The following EML1 variants were observed in gnomAD, a reference collection of about 807,000 sequenced individuals.
EML1 encodes the protein echinoderm microtubule-associated protein-like 1.
Under a neutral mutation model 110.4 loss-of-function variants are expected in EML1, and 27 were observed. The ratio of observed to expected loss-of-function variants is 0.24; its 90% CI spans 0.18 to 0.34. The LOEUF is 0.34. Among genes scored for constraint, EML1 ranks in the 10% least tolerant of loss-of-function variants. EML1 has a pLI of 1.00. For missense variants in EML1, 741 were observed against 1,030.9 expected, an observed-to-expected ratio of 0.72 and a Z score of 3.85; for synonymous variants, 344 against 385.8, an observed-to-expected ratio of 0.89 and a Z score of 1.27.
chr14:99,780,228 A>T (rs1270902776), intron 1 of EML1, among the ~76,000 whole-genome samples: 1 of 152,042 alleles, frequency 6.6e-6, no homozygotes, highest in Non-Finnish European at 1.5e-5. Context: ...ATACAGTCAC[A>T]TTGGGGGTTG....
rs183598753 is a variant in EML1, at chr14:99,886,690, C to T, written c.519-4509C>T. 2.3e-3 allele frequency among the ~76,000 whole-genome samples: 344 copies of T among 152,308 alleles called. 1 individual carries two copies. Among genetic ancestry groups the T allele is most frequent in the Non-Finnish European group, 3.8e-3 (256 of 68,034 alleles). On this transcript the variant is annotated intron_variant, in intron 4 of 21. Coordinates refer to ENST00000262233, the MANE Select transcript of EML1 (RefSeq NM_004434.3). The stretch of plus-strand genomic sequence containing the variant: ...GCCCAGGACTTCTTACACATGTCAC[C>T]ACGTGTCGAAGACCTGCAAGATCTG...
At chr14:99,801,381 C>T (rs776373620) in intron 1 of EML1, among the ~76,000 whole-genome samples, 2 of 152,146 alleles carry the variant, frequency 1.3e-5, no homozygotes, top group Middle Eastern at 3.4e-3. Context: ...TTTGGGAGGC[C>T]GAGGTGGGCG....
chr14:99,902,417 A>C (rs759468211), intron 9 of EML1, among the ~76,000 whole-genome samples: 7 of 151,638 alleles, frequency 4.6e-5, no homozygotes, highest in Non-Finnish European at 8.8e-5. Context: ...AGGAATAAGC[A>C]GGGTTAGTTT....
At position 99,865,542 on chromosome 14, in the gene EML1, A is replaced by T; in HGVS notation, c.279A>T (p.Leu93Phe). The T allele has an allele frequency of 6.2e-7, 1 of 1,614,214 alleles. No individual in the cohort carries two copies. The highest frequency in any genetic ancestry group is 8.5e-7 in the Non-Finnish European group (1 of 1,180,020). The change falls in exon 3 of 22, where the codon TTA becomes TTT. Residue 93 changes from leucine to phenylalanine, a missense_variant. Coordinates refer to ENST00000262233, the MANE Select transcript of EML1 (RefSeq NM_004434.3). ...GACCACTGATGCAGACCCTGCCTTT[A>T]AGAACCACGGTCAACAATGGCACTG... ...KARPLMQTLP[L>F]RTTVNNGTVL...
At chr14:99,932,734 T>C (rs1595503963) in intron 17 of EML1, among the ~76,000 whole-genome samples, 3 of 152,092 alleles carry the variant, frequency 2.0e-5, no homozygotes, top group Non-Finnish European at 4.4e-5. Context: ...AATGTGTGCA[T>C]TTTACTGCCC....
chr14:99,767,616 A>G (rs1270284475), intron 1 of EML1, among the ~76,000 whole-genome samples: 1 of 152,158 alleles, frequency 6.6e-6, no homozygotes, highest in East Asian at 1.9e-4. Context: ...CTCAAGAAAA[A>G]AAAGAGGGGG....
At position 99,850,218 on chromosome 14, in the gene EML1, C is replaced by T. The variant is rs7161687; in HGVS notation, c.68-635C>T. 12,610 of 1,164,216 alleles carry T rather than the reference C, an allele frequency of 0.011. 1,008 individuals are homozygous for T. In the African/African-American group the frequency reaches 0.18, roughly 16 times the overall value. The allele number at this position is 1,164,216 out of a possible 1,614,324, so 72.1% of individuals were successfully genotyped here. ...CCTCCCAAAGTGTTCTCTGTGTTCTCTGGTTGGAGCACAGTAAGTGAAGGG... is the reference window on the plus strand; with the variant it reads ...CCTCCCAAAGTGTTCTCTGTGTTCTTTGGTTGGAGCACAGTAAGTGAAGGG... On this transcript the variant is annotated intron_variant, in intron 1 of 21. Coordinates refer to ENST00000262233, the MANE Select transcript of EML1 (RefSeq NM_004434.3).
intron 2 of EML1, among the ~76,000 whole-genome samples, chr14:99,859,002 A>T (rs2058954275): frequency 6.6e-6 from 1 of 152,218 alleles, no homozygotes; most frequent in South Asian, 2.1e-4. Flanking sequence ...TGATCATTAG[A>T]TTATAACTTA....
intron 4 of EML1, among the ~76,000 whole-genome samples, chr14:99,882,668 A>G (rs1391006972): frequency 1.1e-4 from 15 of 137,416 alleles, no homozygotes; most frequent in African/African-American, 1.5e-4. Flanking sequence ...AAAAAAAAAA[A>G]AAAAAAAGAA....
Position 99,781,128 on chromosome 14 carries a change from CCT to C in EML1, c.-27+7116_-27+7117del, listed in dbSNP as rs1184761741. ...TGGGTCCAGCTCAGTCCTCTGGACC[CCT>C]GTTCCACTGGCCGCCTCCCTTCTCC... On this transcript the variant is annotated intron_variant, in intron 1 of 22. Coordinates refer to the EML1 transcript ENST00000327921. This position sits in a 1 kb window ranked among gnomAD's most constrained non-coding sequence, Gnocchi z 4.2. Among the ~76,000 whole-genome samples the C allele has an allele frequency of 6.6e-6, 1 of 152,058 alleles. No homozygotes were observed. The highest frequency in any genetic ancestry group is 1.5e-5 in the Non-Finnish European group (1 of 68,012).
At chr14:99,901,721 T>C (rs1343675205) in intron 9 of EML1, among the ~76,000 whole-genome samples, 1 of 152,210 alleles carries the variant, frequency 6.6e-6, no homozygotes, top group East Asian at 1.9e-4. Context: ...GTCACTCTTG[T>C]CGCCATCTTG....
chr14:99,768,717 CT>C (rs546941574), upstream of EML1, among the ~76,000 whole-genome samples: 6,221 of 135,648 alleles, frequency 0.046, 161 homozygotes, highest in African/African-American at 0.074. Flanking sequence ...CTTCTGTGGT[CT>C]TTTTTTTTTT....
intron 14 of EML1, 108 bp downstream of exon 14, chr14:99,914,412 C>T: frequency 6.5e-7 from 1 of 1,540,654 alleles, no homozygotes; most frequent in East Asian, 2.3e-5. Flanking sequence ...CTTCCTCCAC[C>T]CCAGAGTGTC....
chr14:99,828,348 T>C (rs1414024443), intron 1 of EML1, among the ~76,000 whole-genome samples: 2 of 152,172 alleles, frequency 1.3e-5, no homozygotes, highest in Non-Finnish European at 2.9e-5. Context: ...CTTTGTCCCA[T>C]GCACCCACAC....
At chr14:99,931,977 G>A (rs928624556) in intron 17 of EML1, among the ~76,000 whole-genome samples, 3 of 152,170 alleles carry the variant, frequency 2.0e-5, no homozygotes, top group African/African-American at 7.2e-5. Context: ...TCTGAGGAAG[G>A]GAACGTTTCT....
intron 1 of EML1, among the ~76,000 whole-genome samples, chr14:99,839,814 G>A (rs2058604222): frequency 6.6e-6 from 1 of 152,240 alleles, no homozygotes; most frequent in Non-Finnish European, 1.5e-5. Flanking sequence ...GAACGTCAGA[G>A]CCGGAGCTCT....
upstream of EML1, among the ~76,000 whole-genome samples, chr14:99,792,183 G>A (rs1358740758): frequency 6.6e-6 from 1 of 152,204 alleles, no homozygotes; most frequent in Non-Finnish European, 1.5e-5. Context: ...TGGGCTTCTG[G>A]AAGGACAGGC....
In EML1 at chr14:99,793,478, TG is replaced by T; in HGVS notation, c.4del (p.Glu2?). On this transcript the variant is annotated frameshift_variant and start_lost, in exon 1 of 22. Coordinates refer to ENST00000262233, the MANE Select transcript of EML1 (RefSeq NM_004434.3). LOFTEE classifies it high-confidence loss of function. The stretch of plus-strand genomic sequence containing the variant: ...CGGGCGCGGCCCGGCGGCCTCAGCA[TG>T]GAGGACGGCTTCTCCAGCTACAGCA... [M>X]EDGFSSYSSL... 9.5e-7 allele frequency: 1 copy of T among 1,047,426 alleles called. No individual in the cohort carries two copies. The highest frequency in any genetic ancestry group is 1.2e-6 in the Non-Finnish European group (1 of 868,218). The allele number at this position is 1,047,426 out of a possible 1,614,324, so 64.9% of individuals were successfully genotyped here. A position where few individuals can be genotyped will look rare whatever the true frequency, so the allele number is the denominator to read the frequency against.
chr14:99,818,209 G>C (rs2058201680), intron 1 of EML1, among the ~76,000 whole-genome samples: 2 of 152,144 alleles, frequency 1.3e-5, no homozygotes, highest in African/African-American at 4.8e-5. Flanking sequence ...GCAGGGATGT[G>C]AGGTGATCAA....
Sources: allele counts gnomAD v4.1 joint callset (sites outside exome capture counted in the v4.1 genomes callset), GRCh38; gene constraint gnomAD v4.1.1; non-coding constraint Gnocchi (gnomAD v3.1); transcripts MANE v1.5; gene names NCBI Gene and HGNC (gene_info 2026-07-23, HGNC 2026-07-21).